The following FAM227B variants were observed in gnomAD, a reference collection of about 807,000 sequenced individuals.
FAM227B encodes protein FAM227B.
Under a neutral mutation model 73.8 loss-of-function variants are expected in FAM227B, and 88 were observed. The observed-to-expected ratio is 1.19, with a 90% CI of 1.00 to 1.42. FAM227B has a LOEUF of 1.42. Ranked by LOEUF, FAM227B falls within the 40% of genes most tolerant of loss-of-function variation. FAM227B has a pLI of 0.00. For synonymous variants in FAM227B, 210 were observed against 190.5 expected, an observed-to-expected ratio of 1.10 and a Z score of -0.84; for missense variants, 632 against 590.9, an observed-to-expected ratio of 1.07 and a Z score of -0.72.
chr15:49,404,563 G>A lies in FAM227B; in HGVS notation c.1013-33164C>T, dbSNP rs536835684. ...TGTTTGTTGGTTTAAAGTTTGTTTTGTCTGACATTAGGATTGCAACTCCTT... is the reference window on the plus strand; with the variant it reads ...TGTTTGTTGGTTTAAAGTTTGTTTTATCTGACATTAGGATTGCAACTCCTT... On this transcript the variant is annotated intron_variant, in intron 11 of 15. Transcript: ENST00000299338. Among the ~76,000 whole-genome samples, 21 of 151,582 alleles carry A rather than the reference G, an allele frequency of 1.4e-4. No individual in the cohort carries two copies. The South Asian group carries it at 4.0e-3, about 29-fold the overall frequency.
intron 13 of FAM227B, chr15:49,366,662 G>T: frequency 6.5e-7 from 1 of 1,537,396 alleles, no homozygotes; most frequent in Non-Finnish European, 8.9e-7. Context: ...CGTGGCAGGG[G>T]ACAGCCGCCG....
intron 10 of FAM227B, among the ~76,000 whole-genome samples, chr15:49,536,496 A>T (rs1182859378): frequency 6.6e-6 from 1 of 151,972 alleles, no homozygotes; most frequent in East Asian, 1.9e-4. Flanking sequence ...ACCCAAACCT[A>T]TATACAATGT....
At chr15:49,596,876 G>C (rs1271751664) in intron 3 of FAM227B, among the ~76,000 whole-genome samples, 2 of 151,714 alleles carry the variant, frequency 1.3e-5, no homozygotes, top group African/African-American at 2.4e-5. Context: ...AAGACAAAGA[G>C]GGACATTATA....
chr15:49,522,740 A>G (rs2059879007), intron 10 of FAM227B, among the ~76,000 whole-genome samples: 1 of 152,178 alleles, frequency 6.6e-6, no homozygotes, highest in African/African-American at 2.4e-5. Flanking sequence ...AAAATTAAAA[A>G]AAGAAAGAAT....
intron 2 of FAM227B, among the ~76,000 whole-genome samples, chr15:49,612,074 G>T (rs1012916842): frequency 1.3e-5 from 2 of 149,988 alleles, no homozygotes; most frequent in African/African-American, 4.9e-5. Context: ...TTTTGTAGCC[G>T]GCCAATTCCT....
At chr15:49,514,531 T>A (rs1157017481) in intron 10 of FAM227B, among the ~76,000 whole-genome samples, 2 of 152,174 alleles carry the variant, frequency 1.3e-5, no homozygotes, top group Non-Finnish European at 2.9e-5. Flanking sequence ...TATAGGGTCA[T>A]GTTATCTGCA....
At chr15:49,348,099 T>G (rs2041790153) in intron 13 of FAM227B, among the ~76,000 whole-genome samples, 1 of 151,866 alleles carries the variant, frequency 6.6e-6, no homozygotes, top group South Asian at 2.1e-4. Context: ...TCTGGAAAAT[T>G]TAATTATGGG....
intron 9 of FAM227B, among the ~76,000 whole-genome samples, chr15:49,545,660 G>A (rs1256657067): frequency 6.6e-6 from 1 of 152,032 alleles, no homozygotes; most frequent in South Asian, 2.1e-4. Context: ...CATGGCTTTT[G>A]CTGTGTCCCA....
Position 49,363,169 on chromosome 15 carries a change from G to T in FAM227B, c.1271+4279C>A, listed in dbSNP as rs1368371823. Among the ~76,000 whole-genome samples the T allele has an allele frequency of 4.6e-5, 7 of 152,156 alleles. 1 individual carries two copies. The highest frequency in any genetic ancestry group is 4.6e-4 in the Admixed American group (7 of 15,276). ...TCCTAATTATGTGAAGAATGTCATT[G>T]GTAGTTTGATAGGAATAGCATTGAA... On this transcript the variant is annotated intron_variant, in intron 13 of 15. Coordinates refer to ENST00000299338, the MANE Select transcript of FAM227B (RefSeq NM_152647.3).
Position 49,476,232 on chromosome 15 carries a change from G to GTTTTTTTTTTTTTTTTTTTTTTTTTTTTT in FAM227B, c.1012+31978_1012+31979insAAAAAAAAAAAAAAAAAAAAAAAAAAAAA. 5.7e-4 allele frequency among the ~76,000 whole-genome samples: 33 copies of GTTTTTTTTTTTTTTTTTTTTTTTTTTTTT among 57,440 alleles called. 3 individuals are homozygous for GTTTTTTTTTTTTTTTTTTTTTTTTTTTTT. The highest frequency in any genetic ancestry group is 1.4e-3 in the East Asian group (3 of 2,222). The allele number at this position is 57,440 out of a possible 152,430, so 37.7% of individuals were successfully genotyped here. ...TTGCTGTTTTGTTTTTTTGTTTTTG[G>GTTTTTTTTTTTTTTTTTTTTTTTTTTTTT]TTTTTTTTTTTTTGCATTTGGCATA... On this transcript the variant is annotated intron_variant, in intron 11 of 15. Transcript: ENST00000299338.
In FAM227B at chr15:49,596,859, G is replaced by C. The variant is rs550004739; in HGVS notation, c.106-6852C>G. 2.6e-5 allele frequency among the ~76,000 whole-genome samples: 4 copies of C among 151,880 alleles called. No homozygotes were observed. In the South Asian group the frequency reaches 6.2e-4, roughly 24 times the overall value. Reference sequence around the variant, plus strand: ...CAAAATAAACTTTAAAGCAACAAGAGTTAAAAAAGACAAAGAGGGACATTA... The same window carrying C: ...CAAAATAAACTTTAAAGCAACAAGACTTAAAAAAGACAAAGAGGGACATTA... On this transcript the variant is annotated intron_variant, in intron 3 of 15. Coordinates refer to ENST00000299338, the MANE Select transcript of FAM227B (RefSeq NM_152647.3).
At chr15:49,365,369 G>C in intron 13 of FAM227B, 4 of 1,344,306 alleles carry the variant, frequency 3.0e-6, no homozygotes, top group Non-Finnish European at 4.3e-6. Context: ...AACTGTAGAG[G>C]AAACATAGTA....
chr15:49,565,153 G>GT (rs887135109), intron 9 of FAM227B, among the ~76,000 whole-genome samples: 8 of 152,060 alleles, frequency 5.3e-5, no homozygotes, highest in Admixed American at 3.9e-4. Flanking sequence ...GGAGGCTGAG[G>GT]TGGGCGGATC....
rs535243860 is a variant in FAM227B, at chr15:49,465,016, T to C, written c.1012+43195A>G. ...AAGAAACTATAATGTTATAAATGTC[T>C]AGTTAAGAAACTATAATGGACTGTA... is the stretch of plus-strand genomic sequence containing the variant. On this transcript the variant is annotated intron_variant, in intron 11 of 15. Transcript: ENST00000299338. Among the ~76,000 whole-genome samples, 4 of 152,344 alleles carry C rather than the reference T, an allele frequency of 2.6e-5. No homozygotes were observed. In the East Asian group the frequency reaches 7.7e-4, roughly 29 times the overall value.
chr15:49,576,505 ATGCCAAGCCAG>A (rs2075450829), intron 7 of FAM227B: 1 of 355,080 alleles, frequency 2.8e-6, no homozygotes, highest in East Asian at 5.5e-5. Context: ...TTACGGTTAC[ATGCCAAGCCAG>A]TGTACGCTAG....
At chr15:49,604,496 G>T (rs1263761972) in intron 3 of FAM227B, among the ~76,000 whole-genome samples, 1 of 151,946 alleles carries the variant, frequency 6.6e-6, no homozygotes, top group African/African-American at 2.4e-5. Flanking sequence ...TGACTTTTGA[G>T]AATTTCATTA....
At chr15:49,520,302 T>G (rs1304329536) in intron 10 of FAM227B, among the ~76,000 whole-genome samples, 1 of 152,228 alleles carries the variant, frequency 6.6e-6, no homozygotes, top group Admixed American at 6.5e-5. Flanking sequence ...TCCTGTCTTC[T>G]GAGCCCTCCA....
intron 11 of FAM227B, among the ~76,000 whole-genome samples, chr15:49,482,968 T>C (rs1011521703): frequency 1.1e-4 from 16 of 152,096 alleles, no homozygotes; most frequent in Admixed American, 3.3e-4. Flanking sequence ...ACTTCCCTTA[T>C]ATAATGACTA....
chr15:49,602,845 G>A (rs1350820373), intron 3 of FAM227B, among the ~76,000 whole-genome samples: 3 of 152,130 alleles, frequency 2.0e-5, no homozygotes, highest in African/African-American at 4.8e-5. Context: ...TAGGGGTCTA[G>A]TTTCATTCTT....
Sources: allele counts gnomAD v4.1 joint callset (sites outside exome capture counted in the v4.1 genomes callset), GRCh38; gene constraint gnomAD v4.1.1; transcripts MANE v1.5; gene names NCBI Gene and HGNC (gene_info 2026-07-23, HGNC 2026-07-21).